DNAJC1: variants seen among roughly 807,000 people sequenced by gnomAD.
The protein encoded by DNAJC1 is DnaJ heat shock protein family (Hsp40) member C1.
DNAJC1 carries 58 observed loss-of-function variants against 76.6 expected under a neutral mutation model. That is an observed-to-expected ratio of 0.76 (90% CI 0.61 to 0.94). The LOEUF (loss-of-function observed/expected upper bound fraction) is 0.94, where lower values mean the gene tolerates loss of function less well. DNAJC1 is among the 40% of genes least tolerant of loss of function. The pLI is 0.00. For synonymous variants in DNAJC1, 258 were observed against 267.9 expected, an observed-to-expected ratio of 0.96 and a Z score of 0.36; for missense variants, 689 against 677.3, an observed-to-expected ratio of 1.02 and a Z score of -0.19.
At chr10:21,817,754 TC>T (rs951763475) in intron 8 of DNAJC1, among the ~76,000 whole-genome samples, 1 of 152,198 alleles carries the variant, frequency 6.6e-6, no homozygotes, top group African/African-American at 2.4e-5. Context: ...ATTTATTAGT[TC>T]CCCAAATTAA....
At position 21,759,444 on chromosome 10, in the gene DNAJC1, CGGGCATCAG is replaced by C. The variant is rs1834215460; in HGVS notation, c.1313_1321del (p.Thr438_Ala440del). On this transcript the variant is annotated inframe_deletion, in exon 11 of 12. Coordinates refer to ENST00000376980, the MANE Select transcript of DNAJC1 (RefSeq NM_022365.4). ...CCTGGCTGGCTTCCGCCTCCGAGGCCGGGCATCAGTGGCCCCGGTCTCCTGCTCACCGGA... is the reference window on the plus strand; with the variant it reads ...CCTGGCTGGCTTCCGCCTCCGAGGCCTGGCCCCGGTCTCCTGCTCACCGGA... The C allele has an allele frequency of 6.2e-7, 1 of 1,614,038 alleles. No homozygotes were observed. The highest frequency in any genetic ancestry group is 8.5e-7 in the Non-Finnish European group (1 of 1,180,050).
At chr10:21,794,224 C>G (rs150696287) in intron 9 of DNAJC1, among the ~76,000 whole-genome samples, 155 of 136,374 alleles carry the variant, frequency 1.1e-3, no homozygotes, top group African/African-American at 3.7e-3. Flanking sequence ...TATCTATGAT[C>G]ATGCCATTGC....
chr10:21,813,212 C>CTATATA (rs1564794844), intron 8 of DNAJC1, among the ~76,000 whole-genome samples: 33 of 52,072 alleles, frequency 6.3e-4, no homozygotes, highest in Non-Finnish European at 9.0e-4. Context: ...CTCTCTCTCT[C>CTATATA]TCTCTCTCTA....
At chr10:21,924,412 T>C (rs1447247594) in intron 3 of DNAJC1, among the ~76,000 whole-genome samples, 1 of 152,086 alleles carries the variant, frequency 6.6e-6, no homozygotes, top group Non-Finnish European at 1.5e-5. Flanking sequence ...AGACAAAAAA[T>C]TTTAAAGTTG....
intron 8 of DNAJC1, among the ~76,000 whole-genome samples, chr10:21,853,186 T>C (rs546696786): frequency 6.6e-6 from 1 of 152,298 alleles, no homozygotes; most frequent in South Asian, 2.1e-4. Flanking sequence ...CTTTATCTCA[T>C]ATTCTACTCC....
At chr10:21,975,902 C>G (rs1838053867) in intron 1 of DNAJC1, among the ~76,000 whole-genome samples, 1 of 151,990 alleles carries the variant, frequency 6.6e-6, no homozygotes, top group African/African-American at 2.4e-5. Flanking sequence ...CTTTTTTGGC[C>G]TAAAGGTTTT....
chr10:22,003,527 G>C lies in DNAJC1; in HGVS notation c.-93C>G. On this transcript the variant is annotated 5_prime_UTR_variant, in exon 1 of 12. Coordinates refer to ENST00000376980, the MANE Select transcript of DNAJC1 (RefSeq NM_022365.4). The stretch of plus-strand genomic sequence containing the variant: ...GCGCTGGCTGTGGGGAACAGCGCCT[G>C]TCAGTGAAAAGCGCGGGCAGGCGCA... 2.4e-6 allele frequency: 3 copies of C among 1,257,600 alleles called. No individual in the cohort carries two copies. The highest frequency in any genetic ancestry group is 2.0e-6 in the Non-Finnish European group (2 of 1,000,636). 77.9% of individuals were successfully genotyped at this position (1,257,600 alleles called of 1,614,324 possible).
At chr10:21,766,408 C>T in intron 9 of DNAJC1, 99 bp from the exon 10 acceptor site, 2 of 894,728 alleles carry the variant, frequency 2.2e-6, no homozygotes. Flanking sequence ...GAACACAGTT[C>T]ATTGGATCTT....
chr10:21,884,937 A>T (rs932469712), intron 7 of DNAJC1, among the ~76,000 whole-genome samples: 10 of 152,152 alleles, frequency 6.6e-5, no homozygotes, highest in African/African-American at 1.9e-4. Context: ...GACCAGTGTC[A>T]CTATAAATCA....
intron 8 of DNAJC1, among the ~76,000 whole-genome samples, chr10:21,829,345 GC>G (rs1835317659): frequency 6.6e-6 from 1 of 152,030 alleles, no homozygotes; most frequent in Non-Finnish European, 1.5e-5. Context: ...TCCCGGGTAG[GC>G]GGGACTACAG....
intron 9 of DNAJC1, among the ~76,000 whole-genome samples, chr10:21,772,091 C>A (rs928327981): frequency 5.3e-5 from 8 of 152,060 alleles, no homozygotes; most frequent in African/African-American, 1.9e-4. Flanking sequence ...ACCACCATGC[C>A]CAGCTTCATG....
At chr10:21,928,815 T>A (rs1837170519) in intron 2 of DNAJC1, among the ~76,000 whole-genome samples, 1 of 152,084 alleles carries the variant, frequency 6.6e-6, no homozygotes, top group Non-Finnish European at 1.5e-5. Context: ...AAGCTGTAAT[T>A]TAGACAAGAA....
At chr10:21,998,375 G>A (rs923467995) in intron 1 of DNAJC1, among the ~76,000 whole-genome samples, 5 of 111,412 alleles carry the variant, frequency 4.5e-5, no homozygotes, top group Non-Finnish European at 6.6e-5. Context: ...GGGCGACAGA[G>A]CAAGACTCCA....
intron 8 of DNAJC1, among the ~76,000 whole-genome samples, chr10:21,815,532 C>G (rs1018425986): frequency 1.3e-5 from 2 of 152,174 alleles, no homozygotes; most frequent in East Asian, 3.8e-4. Context: ...ATCTATGAAA[C>G]TAGGGAAGGC....
chr10:21,765,299 C>T (rs375787047), intron 10 of DNAJC1, among the ~76,000 whole-genome samples: 1 of 152,050 alleles, frequency 6.6e-6, no homozygotes, highest in Non-Finnish European at 1.5e-5. Flanking sequence ...AACTCCTGGG[C>T]TCAAGTGATC....
rs1834211749 is a variant in DNAJC1 at position 21,759,249 on chromosome 10, T to G, written c.1517A>C (p.Glu506Ala). The change falls in exon 11 of 12, where the codon GAA (glutamate) becomes GCA (alanine). Residue 506 changes from glutamate (E) to alanine (A), a missense_variant. Coordinates refer to ENST00000376980, the MANE Select transcript of DNAJC1 (RefSeq NM_022365.4). ...CCTTGGGTACTGCTGCAACGCCAGT[T>G]CCAGAAGTTTCTGTTGATTTTGAGT... ...PWTQNQQKLL[E>A]LALQQYPRGS... 1 of 1,614,122 alleles carries G rather than the reference T, an allele frequency of 6.2e-7. No homozygotes were observed. The highest frequency in any genetic ancestry group is 1.7e-5 in the Admixed American group (1 of 60,010).
At chr10:22,001,933 AACAG>A (rs1179665656) in intron 1 of DNAJC1, among the ~76,000 whole-genome samples, 1 of 152,234 alleles carries the variant, frequency 6.6e-6, no homozygotes, top group African/African-American at 2.4e-5. Context: ...GGCACCAGGC[AACAG>A]ATCATAAATA....
At chr10:21,863,097 A>G (rs137909279) in intron 8 of DNAJC1, among the ~76,000 whole-genome samples, 1 of 152,064 alleles carries the variant, frequency 6.6e-6, no homozygotes, top group Non-Finnish European at 1.5e-5. Flanking sequence ...GCGCCATTGC[A>G]CTCCAGCCTG....
At chr10:21,942,728 C>T (rs1397248140) in intron 1 of DNAJC1, among the ~76,000 whole-genome samples, 1 of 150,560 alleles carries the variant, frequency 6.6e-6, no homozygotes, top group Non-Finnish European at 1.5e-5. Flanking sequence ...ATGGCATGAA[C>T]CTGGGAGGCG....
Sources: allele counts gnomAD v4.1 joint callset (sites outside exome capture counted in the v4.1 genomes callset), GRCh38; gene constraint gnomAD v4.1.1; transcripts MANE v1.5; gene names NCBI Gene and HGNC (gene_info 2026-07-23, HGNC 2026-07-21).